Variants in PRPF3 observed in about 807,000 individuals in gnomAD.
PRPF3 encodes the protein pre-mRNA processing factor 3, also known as U4/U6 small nuclear ribonucleoprotein Prp3.
A neutral mutation model predicts 89.2 loss-of-function variants in PRPF3; 3 were observed. The ratio of observed to expected loss-of-function variants is 0.03; its 90% CI spans 0.02 to 0.09. PRPF3 has a LOEUF of 0.09. Ranked by LOEUF, PRPF3 falls within the 10% of genes least tolerant of loss-of-function variation. PRPF3 has a pLI of 1.00. For synonymous variants in PRPF3, 270 were observed against 289.1 expected (o/e 0.93, Z 0.67); for missense variants, 463 against 828.8 (o/e 0.56, Z 5.42).
chr1:150,332,871 A>G, intron 5 of PRPF3, 104 bp downstream of exon 5: 3 of 1,493,564 alleles, frequency 2.0e-6, no homozygotes, highest in East Asian at 2.3e-5. Context: ...GTTTCACTTC[A>G]TAATCATCTG....
chr1:150,342,502 T>TTA (rs1244184415), intron 9 of PRPF3, among the ~76,000 whole-genome samples: 2 of 127,990 alleles, frequency 1.6e-5, no homozygotes, highest in East Asian at 4.0e-4. Flanking sequence ...TATTTAAAGT[T>TTA]TATACACACA....
intron 3 of PRPF3, among the ~76,000 whole-genome samples, chr1:150,326,119 A>C (rs1481745201): frequency 6.6e-6 from 1 of 152,140 alleles, no homozygotes; most frequent in Non-Finnish European, 1.5e-5. Context: ...TTTAGATAAC[A>C]GGAGTTTTGA....
At chr1:150,337,040 CT>C (rs35026026) in intron 7 of PRPF3, among the ~76,000 whole-genome samples, 2 of 121,268 alleles carry the variant, frequency 1.6e-5, no homozygotes, top group Non-Finnish European at 3.3e-5. Context: ...CATAAAATTC[CT>C]TTTTTTTTTT....
chr1:150,336,775 T>A (rs1358712103), intron 7 of PRPF3, among the ~76,000 whole-genome samples: 1 of 151,108 alleles, frequency 6.6e-6, no homozygotes, highest in African/African-American at 2.4e-5. Context: ...ATATATATAT[T>A]TATTAATATA....
At position 150,335,474 on chromosome 1, in the gene PRPF3, A is replaced by T. The variant is rs1198921234; in HGVS notation, c.1035+233A>T. Among the ~76,000 whole-genome samples the T allele has an allele frequency of 3.3e-5, 5 of 151,766 alleles. No individual in the cohort carries two copies. The East Asian group carries it at 5.8e-4, about 18-fold the overall frequency. On this transcript the variant is annotated intron_variant, in intron 7 of 15. Transcript: ENST00000324862. ...ATTTATTGTGTACTTTATTATTATT[A>T]TTTTTTTCGAGATGGAGTGTCGCTC...
chr1:150,352,597 G>A (rs112787121), intron 15 of PRPF3, among the ~76,000 whole-genome samples: 10 of 152,122 alleles, frequency 6.6e-5, no homozygotes, highest in Non-Finnish European at 1.2e-4. Context: ...CCCGGGAGGC[G>A]GAGCTTGCAG....
In PRPF3 at chr1:150,349,160, A is replaced by G. The variant is rs587704985; in HGVS notation, c.1847A>G (p.Asp616Gly). 1 of 1,613,278 alleles carries G rather than the reference A, an allele frequency of 6.2e-7. No individual in the cohort carries two copies. Among genetic ancestry groups the G allele is most frequent in the South Asian group, 1.1e-5 (1 of 91,062 alleles). ...EQTSNTKGDD[D>G]EESDEEAVKK... ...TGTAACAAGATTTCTCTTCCAGATG[A>G]TGAGGAGTCTGATGAGGAAGCTGTG... Residue 616 changes from aspartate to glycine, a missense_variant, in exon 15 of 16, where the codon GAT (aspartate) becomes GGT (glycine). By Grantham distance (94) the Asp-to-Gly change is moderately conservative. Transcript: ENST00000324862.
At chr1:150,344,672 C>A in intron 12 of PRPF3, 125 bp downstream of exon 12, 1 of 1,025,760 alleles carries the variant, frequency 9.7e-7, no homozygotes, top group Non-Finnish European at 1.5e-6. Flanking sequence ...TTTAATGACC[C>A]TAGTGTGGAT....
At chr1:150,331,033 A>T in intron 4 of PRPF3, among the ~76,000 whole-genome samples, 1 of 142,254 alleles carries the variant, frequency 7.0e-6, no homozygotes, top group Non-Finnish European at 1.5e-5. Context: ...TTTTCATTTT[A>T]TTTTATTTTA....
At chr1:150,328,048 A>G (rs2275779) in intron 3 of PRPF3, 11,865 of 431,746 alleles carry the variant, frequency 0.027, 733 homozygotes, top group African/African-American at 0.13. Flanking sequence ...GAGAGAAATC[A>G]TTATAAATGT....
At chr1:150,323,482 G>C (rs1053438932) in intron 1 of PRPF3, among the ~76,000 whole-genome samples, 1 of 151,506 alleles carries the variant, frequency 6.6e-6, no homozygotes, top group Non-Finnish European at 1.5e-5. Context: ...TTAAAACTAC[G>C]AAATTGGCCA....
intron 9 of PRPF3, 43 bp from the exon 10 acceptor site, chr1:150,343,266 T>A: frequency 7.1e-7 from 1 of 1,413,274 alleles, no homozygotes; most frequent in Non-Finnish European, 9.8e-7. Flanking sequence ...TATATATATA[T>A]GTATTCTTAC....
intron 7 of PRPF3, 82 bp downstream of exon 7, chr1:150,335,323 G>C (rs1656846149): frequency 6.7e-6 from 10 of 1,489,320 alleles, no homozygotes; most frequent in Non-Finnish European, 9.3e-6. Flanking sequence ...CTGTGTTCTA[G>C]GAAATTAGAT....
At chr1:150,334,600 G>A (rs1656773268) in intron 6 of PRPF3, among the ~76,000 whole-genome samples, 1 of 152,066 alleles carries the variant, frequency 6.6e-6, no homozygotes, top group South Asian at 2.1e-4. Context: ...TGGGATTACA[G>A]TGTGAGCCAC....
At chr1:150,345,991 G>A (rs1658238971) in intron 12 of PRPF3, 27 bp from the exon 13 acceptor site, 2 of 1,558,260 alleles carry the variant, frequency 1.3e-6, no homozygotes, top group Non-Finnish European at 1.8e-6. Flanking sequence ...TAAAATGGAA[G>A]ACATAACTAA....
At chr1:150,324,048 G>A (rs587700892) in intron 1 of PRPF3, among the ~76,000 whole-genome samples, 1 of 152,102 alleles carries the variant, frequency 6.6e-6, no homozygotes, top group East Asian at 1.9e-4. Flanking sequence ...CAAAGTGCTG[G>A]GATTACAGGC....
intron 13 of PRPF3, 37 bp downstream of exon 13, chr1:150,346,173 C>A: frequency 6.5e-7 from 1 of 1,547,306 alleles, no homozygotes; most frequent in Non-Finnish European, 8.9e-7. Context: ...TGTCCCCAGA[C>A]AACCCTAGGC....
At chr1:150,325,720 C>T in intron 2 of PRPF3, 31 bp from the exon 3 acceptor site, 1 of 1,607,510 alleles carries the variant, frequency 6.2e-7, no homozygotes, top group Non-Finnish European at 8.5e-7. Flanking sequence ...TCTTACCTTT[C>T]CAACCCTACC....
At chr1:150,349,961 T>TCTCGGCTCACCGCAAC (rs1253601330) in intron 15 of PRPF3, among the ~76,000 whole-genome samples, 2 of 152,100 alleles carry the variant, frequency 1.3e-5, no homozygotes, top group Non-Finnish European at 1.5e-5. Flanking sequence ...GATGGCGTGA[T>TCTCGGCTCACCGCAAC]CTCGGCTCAC....
Sources: gnomAD v4.1 joint callset for allele counts (sites outside exome capture counted in the v4.1 genomes callset) on GRCh38, gnomAD v4.1.1 for gene constraint, MANE v1.5 for transcripts, NCBI Gene and HGNC (gene_info 2026-07-23, HGNC 2026-07-21) for gene names.